Variants in TSPAN5 observed in about 807,000 individuals in gnomAD.
The protein encoded by TSPAN5 is tetraspanin 5, also known as tetraspanin-5.
In TSPAN5, 10 loss-of-function variants were observed where a neutral mutation model predicts 37.1. That is an observed-to-expected ratio of 0.27 (90% confidence interval 0.17 to 0.46). The LOEUF (loss-of-function observed/expected upper bound fraction) is 0.46, where lower values mean the gene tolerates loss of function less well. Ranked by LOEUF, TSPAN5 falls within the 20% of genes least tolerant of loss-of-function variation. The pLI is 1.00. For missense variants in TSPAN5, 195 were observed against 326.6 expected (o/e 0.60, Z 3.11); for synonymous variants, 110 against 118.9 (o/e 0.93, Z 0.48).
chr4:98,558,033 T>A (rs1040437929), intron 1 of TSPAN5, among the ~76,000 whole-genome samples: 1 of 152,196 alleles, frequency 6.6e-6, no homozygotes, highest in Non-Finnish European at 1.5e-5. Flanking sequence ...AGGTAAAACC[T>A]AAGGAAGTCT....
At chr4:98,481,782 A>C (rs1283890920) in intron 4 of TSPAN5, among the ~76,000 whole-genome samples, 1 of 152,246 alleles carries the variant, frequency 6.6e-6, no homozygotes, top group African/African-American at 2.4e-5. Flanking sequence ...TGTTCCTCTA[A>C]CTTAACAGAA....
At chr4:98,649,659 T>C (rs9307228) in intron 1 of TSPAN5, among the ~76,000 whole-genome samples, 88,046 of 152,020 alleles carry the variant, frequency 0.58, 27,011 homozygotes, top group African/African-American at 0.8. Context: ...ATTATTTTCC[T>C]GGTTTTTTTA....
intron 1 of TSPAN5, among the ~76,000 whole-genome samples, chr4:98,614,044 C>T (rs1190475816): frequency 2.6e-5 from 4 of 152,120 alleles, no homozygotes; most frequent in Non-Finnish European, 5.9e-5. Context: ...TGAAATTTTT[C>T]CAAACAACCA....
chr4:98,564,056 T>C (rs1238797926), intron 1 of TSPAN5, among the ~76,000 whole-genome samples: 1 of 152,144 alleles, frequency 6.6e-6, no homozygotes, highest in Non-Finnish European at 1.5e-5. Context: ...ACAAAAAACG[T>C]GTGATGAGAC....
At chr4:98,615,616 T>G (rs756218192) in intron 1 of TSPAN5, among the ~76,000 whole-genome samples, 2 of 151,892 alleles carry the variant, frequency 1.3e-5, no homozygotes, top group Non-Finnish European at 2.9e-5. Flanking sequence ...AGGTCAGGAG[T>G]TCAAGACCAG....
At chr4:98,582,416 A>C (rs1054606044) in intron 1 of TSPAN5, among the ~76,000 whole-genome samples, 40 of 152,162 alleles carry the variant, frequency 2.6e-4, no homozygotes, top group African/African-American at 9.6e-4. Context: ...TTCACACAAA[A>C]CTGCAAGGAA....
intron 2 of TSPAN5, among the ~76,000 whole-genome samples, chr4:98,487,507 C>T (rs186078505): frequency 3.3e-5 from 5 of 152,194 alleles, no homozygotes; most frequent in East Asian, 1.9e-4. Flanking sequence ...GAAATAGGAT[C>T]GAGCTAGAAG....
At chr4:98,642,423 C>T (rs929347135) in intron 1 of TSPAN5, among the ~76,000 whole-genome samples, 1 of 152,154 alleles carries the variant, frequency 6.6e-6, no homozygotes, top group African/African-American at 2.4e-5. Flanking sequence ...AACTAATAAC[C>T]ACAAAATTTT....
chr4:98,588,262 T>C (rs1156448341), intron 1 of TSPAN5, among the ~76,000 whole-genome samples: 1 of 152,148 alleles, frequency 6.6e-6, no homozygotes, highest in Non-Finnish European at 1.5e-5. Flanking sequence ...GCCTTTTAAA[T>C]GAGCCAAGTG....
intron 1 of TSPAN5, among the ~76,000 whole-genome samples, chr4:98,656,644 A>T (rs902997104): frequency 9.9e-5 from 15 of 152,138 alleles, no homozygotes; most frequent in Non-Finnish European, 2.2e-4. Flanking sequence ...CTGGCAAAAA[A>T]CTGCCTGTGG....
intron 1 of TSPAN5, among the ~76,000 whole-genome samples, chr4:98,612,283 T>G (rs1262371168): frequency 6.6e-6 from 1 of 151,872 alleles, no homozygotes; most frequent in African/African-American, 2.4e-5. Context: ...AGCAAGCAAG[T>G]TCCAAGCAAT....
intron 2 of TSPAN5, among the ~76,000 whole-genome samples, chr4:98,497,300 CAG>C (rs1197997621): frequency 7.4e-6 from 1 of 135,876 alleles, no homozygotes; most frequent in African/African-American, 2.8e-5. Flanking sequence ...TTGGGTGACA[CAG>C]AGAGACTCCA....
chr4:98,638,606 G>T (rs1199463703), intron 1 of TSPAN5, among the ~76,000 whole-genome samples: 1 of 152,196 alleles, frequency 6.6e-6, no homozygotes, highest in Non-Finnish European at 1.5e-5. Context: ...CACAGGTAAA[G>T]GTATGGGGCA....
At chr4:98,493,997 C>T in intron 2 of TSPAN5, among the ~76,000 whole-genome samples, 1 of 152,118 alleles carries the variant, frequency 6.6e-6, no homozygotes, top group East Asian at 1.9e-4. Context: ...TTCCATTATC[C>T]ACTAGGTACC....
intron 1 of TSPAN5, among the ~76,000 whole-genome samples, chr4:98,646,812 C>T (rs1436159775): frequency 6.6e-6 from 1 of 151,980 alleles, no homozygotes; most frequent in Non-Finnish European, 1.5e-5. Flanking sequence ...GAAGGGAAAA[C>T]AATCAAAATA....
chr4:98,632,901 A>G (rs1412975958), intron 1 of TSPAN5, among the ~76,000 whole-genome samples: 1 of 152,162 alleles, frequency 6.6e-6, no homozygotes, highest in Non-Finnish European at 1.5e-5. Context: ...AAGCAGCAGA[A>G]GCTGTGGAGG....
chr4:98,483,560 T>C (rs1752894477), intron 3 of TSPAN5: 1 of 152,210 alleles, frequency 6.6e-6, no homozygotes, highest in Non-Finnish European at 1.5e-5. Context: ...AGTGGGTATC[T>C]GCAGACATTA....
chr4:98,488,407 A>G (rs1200054876), intron 2 of TSPAN5, among the ~76,000 whole-genome samples: 1 of 152,224 alleles, frequency 6.6e-6, no homozygotes, highest in Non-Finnish European at 1.5e-5. Context: ...TAGGATATTA[A>G]GAACAGAATG....
intron 1 of TSPAN5, among the ~76,000 whole-genome samples, chr4:98,547,243 TC>T (rs1267586087): frequency 1.3e-5 from 2 of 152,180 alleles, no homozygotes; most frequent in African/African-American, 4.8e-5. Flanking sequence ...AGAGGACACT[TC>T]TTAAGCTTTT....
Sources: allele counts gnomAD v4.1 joint callset (sites outside exome capture counted in the v4.1 genomes callset), GRCh38; gene constraint gnomAD v4.1.1; transcripts MANE v1.5; gene names NCBI Gene and HGNC (gene_info 2026-07-23, HGNC 2026-07-21).